The following FAM120C variants were observed in gnomAD, a reference collection of about 807,000 sequenced individuals.
FAM120C encodes constitutive coactivator of PPAR-gamma-like protein 2.
FAM120C carries 14 observed loss-of-function variants against 71.2 expected under a neutral mutation model. The observed-to-expected ratio is 0.20, with a 90% confidence interval of 0.13 to 0.31. The LOEUF is 0.31. Ranked by LOEUF, FAM120C falls within the 10% of genes least tolerant of loss-of-function variation. The pLI, the probability that FAM120C is intolerant of heterozygous loss-of-function variation, is 1.00. For missense variants in FAM120C, 500 were observed against 879.0 expected, an observed-to-expected ratio of 0.57 and a Z score of 5.45; for synonymous variants, 354 against 353.2, an observed-to-expected ratio of 1.00 and a Z score of -0.03.
chrX:54,170,681 T>G (rs1190971835), intron 1 of FAM120C, among the ~76,000 whole-genome samples: 1 of 112,095 alleles, frequency 8.9e-6, no homozygotes, highest in Admixed American at 9.5e-5. Context: ...CTTCTTCATC[T>G]GTAAAATGGA....
At chrX:54,157,831 A>C in intron 2 of FAM120C, 60 bp from the exon 3 acceptor site, 1 of 761,278 alleles carries the variant, frequency 1.3e-6, no homozygotes, top group Middle Eastern at 3.2e-4. Context: ...CCTCCAGGCC[A>C]TGAAAGGGGT....
intron 11 of FAM120C, among the ~76,000 whole-genome samples, chrX:54,089,973 TAGTG>T (rs1259642761): frequency 1.5e-4 from 16 of 107,874 alleles, no homozygotes; most frequent in South Asian, 8.2e-4. Context: ...AAAAAAAAAA[TAGTG>T]AGACACTGTT....
chrX:54,169,696 A>G (rs73210488), intron 1 of FAM120C, among the ~76,000 whole-genome samples: 1 of 112,125 alleles, frequency 8.9e-6, no homozygotes, highest in Non-Finnish European at 1.9e-5. Flanking sequence ...ATAGTAAGGA[A>G]GTATCACCTT....
At chrX:54,166,285 G>T (rs2067258972) in intron 1 of FAM120C, among the ~76,000 whole-genome samples, 1 of 111,700 alleles carries the variant, frequency 9.0e-6, no homozygotes, top group Non-Finnish European at 1.9e-5. Context: ...TCCTGGTAGG[G>T]GTATAACGGT....
chrX:54,131,761 T>C (rs1808106285), intron 9 of FAM120C, among the ~76,000 whole-genome samples: 3 of 104,363 alleles, frequency 2.9e-5, no homozygotes, highest in South Asian at 4.3e-4. Flanking sequence ...TCTTTCTTTC[T>C]TTCTTTTTTT....
intron 9 of FAM120C, among the ~76,000 whole-genome samples, chrX:54,117,848 T>A (rs2066979982): frequency 8.9e-6 from 1 of 112,003 alleles, no homozygotes; most frequent in Non-Finnish European, 1.9e-5. Context: ...TGTAAATATC[T>A]GGCTTTATAA....
intron 3 of FAM120C, among the ~76,000 whole-genome samples, chrX:54,154,980 C>T (rs1346736337): frequency 2.7e-5 from 3 of 110,704 alleles, no homozygotes; most frequent in African/African-American, 6.6e-5. Flanking sequence ...GTGGGAAGAT[C>T]GCTTGAGCAT....
rs1329943273 is a variant in FAM120C at position 54,072,564 on chromosome X, A to G, written c.*469T>C. 9.3e-6 allele frequency: 1 copy of G among 107,911 alleles called. No homozygotes were observed. The highest frequency in any genetic ancestry group is 3.4e-5 in the African/African-American group (1 of 29,302). The allele number at this position is 107,911 out of a possible 1,213,427, so 8.9% of individuals were successfully genotyped here. On this transcript the variant is annotated 3_prime_UTR_variant, in exon 16 of 16. Coordinates refer to ENST00000375180, the MANE Select transcript of FAM120C (RefSeq NM_017848.6). ...AGAAGAGGTAGATACCACTTCATAG[A>G]GAAAAAAAAAAAACAAAAAAAAACC...
chrX:54,140,553 G>A (rs1316845144), intron 4 of FAM120C, among the ~76,000 whole-genome samples: 3 of 105,988 alleles, frequency 2.8e-5, no homozygotes, highest in African/African-American at 1.0e-4. Flanking sequence ...CTGGGAGGCA[G>A]AGGTTGCAGT....
chrX:54,075,836 C>T (rs1393392301), intron 15 of FAM120C, among the ~76,000 whole-genome samples: 5 of 109,256 alleles, frequency 4.6e-5, no homozygotes, highest in African/African-American at 1.0e-4. Context: ...CAGGCCTGGC[C>T]GGGTGTGGTA....
chrX:54,134,186 C>G, intron 7 of FAM120C, 140 bp from the exon 8 acceptor site: 1 of 572,459 alleles, frequency 1.7e-6, no homozygotes, highest in South Asian at 3.2e-5. Context: ...GGACTGGTAC[C>G]TTTCCTCTCA....
intron 11 of FAM120C, among the ~76,000 whole-genome samples, chrX:54,088,437 C>T (rs1283544481): frequency 1.9e-5 from 2 of 107,506 alleles, no homozygotes; most frequent in African/African-American, 6.8e-5. Context: ...ACTAAAAATA[C>T]AAAAATTAGC....
At chrX:54,126,081 C>T (rs2067025790) in intron 9 of FAM120C, among the ~76,000 whole-genome samples, 1 of 112,050 alleles carries the variant, frequency 8.9e-6, no homozygotes, top group South Asian at 3.7e-4. Context: ...AACAAACTCA[C>T]TTATTAGTTC....
intron 11 of FAM120C, among the ~76,000 whole-genome samples, chrX:54,089,885 G>T (rs782607974): frequency 3.6e-5 from 4 of 109,604 alleles, no homozygotes; most frequent in African/African-American, 1.3e-4. Context: ...CTTGAACCTG[G>T]GAGGCGGAGG....
Position 54,182,940 on chromosome X carries a change from G to C in FAM120C, c.259C>G (p.Pro87Ala), listed in dbSNP as rs1263589959. 8 of 1,159,732 alleles carry C rather than the reference G, an allele frequency of 6.9e-6. No individual in the cohort carries two copies. Among genetic ancestry groups the C allele is most frequent in the Non-Finnish European group, 9.2e-6 (8 of 870,953 alleles). ...GGAGPTRHHHPAHHFHHHGQA... is the reference protein window; with the variant it reads ...GGAGPTRHHHAAHHFHHHGQA... ...CCATGATGGTGGAAGTGGTGAGCGG[G>C]GTGATGGTGCCGAGTCGGCCCCGCG... is the stretch of plus-strand genomic sequence containing the variant. Residue 87 changes from proline (P) to alanine (A), a missense_variant, in exon 1 of 16, where the codon CCC (proline) becomes GCC (alanine). Coordinates refer to ENST00000375180, the MANE Select transcript of FAM120C (RefSeq NM_017848.6).
At chrX:54,086,045 G>A (rs1557121942) in intron 12 of FAM120C, 129 bp from the exon 13 acceptor site, 8 of 553,057 alleles carry the variant, frequency 1.4e-5, no homozygotes, top group Admixed American at 9.6e-5. Context: ...GAGGCCTGTC[G>A]TTAAAGGGCT....
intron 4 of FAM120C, among the ~76,000 whole-genome samples, chrX:54,144,449 T>G (rs1165970571): frequency 1.8e-5 from 2 of 112,368 alleles, no homozygotes; most frequent in Non-Finnish European, 3.8e-5. Flanking sequence ...CTTAAGCTGA[T>G]AAGCAACTTC....
intron 10 of FAM120C, among the ~76,000 whole-genome samples, 184 bp from the exon 11 acceptor site, chrX:54,091,610 T>C (rs1384231775): frequency 1.8e-5 from 2 of 112,135 alleles, no homozygotes; most frequent in South Asian, 3.7e-4. Context: ...AAAAGAATCA[T>C]GTACATCAAC....
rs140824878 is a variant in FAM120C at position 54,164,465 on chromosome X, G to A, written c.700-4849C>T. On this transcript the variant is annotated intron_variant, in intron 1 of 15. Coordinates refer to ENST00000375180, the MANE Select transcript of FAM120C (RefSeq NM_017848.6). ...CCACAATTCTATTTTCTGTCTCTAT[G>A]AATTTGACTACTTTAGGTACCTCAT... Among the ~76,000 whole-genome samples, 1,057 of 111,468 alleles carry A rather than the reference G, an allele frequency of 9.5e-3. 6 individuals are homozygous for A. Among genetic ancestry groups the A allele is most frequent in the Middle Eastern group, 0.037 (8 of 217 alleles).
Sources: gnomAD v4.1 joint callset for allele counts (sites outside exome capture counted in the v4.1 genomes callset) on GRCh38, gnomAD v4.1.1 for gene constraint, MANE v1.5 for transcripts, NCBI Gene and HGNC (gene_info 2026-07-23, HGNC 2026-07-21) for gene names.